The following CDH6 variants were observed in gnomAD, a reference collection of about 807,000 sequenced individuals.
CDH6 encodes cadherin 6.
CDH6 carries 31 observed loss-of-function variants against 78.0 expected under a neutral mutation model. The observed-to-expected ratio is 0.40, with a 90% confidence interval of 0.30 to 0.54. CDH6 has a LOEUF of 0.54. Ranked by LOEUF, CDH6 falls within the 20% of genes least tolerant of loss-of-function variation. CDH6 has a pLI of 0.56. For synonymous variants in CDH6, 376 were observed against 368.8 expected (o/e 1.02, Z -0.23); for missense variants, 724 against 975.9 (o/e 0.74, Z 3.44).
intron 1 of CDH6, among the ~76,000 whole-genome samples, chr5:31,253,706 T>G (rs1741975085): frequency 6.6e-6 from 1 of 152,168 alleles, no homozygotes; most frequent in South Asian, 2.1e-4. Flanking sequence ...TCAATAGCAC[T>G]GTATCATATT....
chr5:31,313,142 A>C (rs563531471), intron 7 of CDH6, among the ~76,000 whole-genome samples, 176 bp from the exon 8 acceptor site: 1 of 152,224 alleles, frequency 6.6e-6, no homozygotes, highest in Non-Finnish European at 1.5e-5. Context: ...CTAATTTCTC[A>C]AAATATTTTA....
At chr5:31,302,366 G>T (rs1182832738) in intron 6 of CDH6, 68 bp downstream of exon 6, 4 of 1,138,110 alleles carry the variant, frequency 3.5e-6, no homozygotes, top group African/African-American at 1.5e-5. Context: ...TAAGTTACCA[G>T]GGGCAATTAT....
At chr5:31,211,679 G>A (rs1218822327) in intron 1 of CDH6, among the ~76,000 whole-genome samples, 1 of 151,990 alleles carries the variant, frequency 6.6e-6, no homozygotes. Context: ...TTTCACAAAT[G>A]CATTTAGGTG....
Position 31,297,384 on chromosome 5 carries a change from T to G in CDH6, c.619T>G (p.Tyr207Asp). 1 of 1,607,978 alleles carries G rather than the reference T, an allele frequency of 6.2e-7. No homozygotes were observed. Among genetic ancestry groups the G allele is most frequent in the Non-Finnish European group, 8.5e-7 (1 of 1,176,430 alleles). Residue 207 changes from tyrosine (Y) to aspartate (D), a missense_variant, in exon 4 of 12, where the codon TAT (tyrosine) becomes GAT (aspartate). Physicochemically the swap from Tyr to Asp is radical, Grantham distance 160. Transcript: ENST00000265071. Reference sequence around the variant, plus strand: ...CTACAGTATTCTACAGGGACAGCCCTATTTTTCAGTTGAATCAGAAACAGG... The same window carrying G: ...CTACAGTATTCTACAGGGACAGCCCGATTTTTCAGTTGAATCAGAAACAGG... The part of the protein sequence containing the change: ...VVYSILQGQP[Y>D]FSVESETGII...
intron 1 of CDH6, among the ~76,000 whole-genome samples, chr5:31,247,207 C>CA (rs1223860318): frequency 5.3e-5 from 8 of 152,122 alleles, no homozygotes; most frequent in East Asian, 1.9e-4. Context: ...AAATCTTTAC[C>CA]AAAAAATGAC....
At chr5:31,302,832 GAAAGAA>G in intron 6 of CDH6, among the ~76,000 whole-genome samples, 1 of 136,892 alleles carries the variant, frequency 7.3e-6, no homozygotes, top group Non-Finnish European at 1.6e-5. Context: ...AAGAAAGAAA[GAAAGAA>G]AGAAAGAAAG....
At chr5:31,279,595 AC>A (rs1292661556) in intron 2 of CDH6, among the ~76,000 whole-genome samples, 2 of 151,926 alleles carry the variant, frequency 1.3e-5, no homozygotes, top group Admixed American at 6.6e-5. Flanking sequence ...AATAATAAAA[AC>A]TAATAAGAAA....
At chr5:31,196,290 T>A (rs1449139142) in intron 1 of CDH6, among the ~76,000 whole-genome samples, 3 of 152,176 alleles carry the variant, frequency 2.0e-5, no homozygotes, top group Non-Finnish European at 4.4e-5. Context: ...ACAGCTACAG[T>A]CACAGGGTAT....
chr5:31,261,750 G>C (rs1465650250), intron 1 of CDH6, among the ~76,000 whole-genome samples: 1 of 152,112 alleles, frequency 6.6e-6, no homozygotes, highest in Non-Finnish European at 1.5e-5. Context: ...ACAAGTCTAT[G>C]TCAAGTCTAA....
intron 2 of CDH6, among the ~76,000 whole-genome samples, chr5:31,283,310 A>T (rs1448321081): frequency 6.6e-6 from 1 of 152,214 alleles, no homozygotes; most frequent in East Asian, 1.9e-4. Context: ...GTACAGAGTA[A>T]GCTTTTAATG....
intron 11 of CDH6, among the ~76,000 whole-genome samples, chr5:31,320,562 G>A (rs1225387951): frequency 2.6e-5 from 4 of 152,076 alleles, no homozygotes; most frequent in African/African-American, 9.7e-5. Flanking sequence ...TTGCAAATCC[G>A]TGTCATTGTT....
At chr5:31,241,859 G>A (rs1265473528) in intron 1 of CDH6, among the ~76,000 whole-genome samples, 2 of 152,188 alleles carry the variant, frequency 1.3e-5, no homozygotes, top group East Asian at 1.9e-4. Context: ...AAAAGGAAAT[G>A]TGTTTTCGTG....
chr5:31,255,015 TA>T (rs1343832439), intron 1 of CDH6, among the ~76,000 whole-genome samples: 1 of 152,226 alleles, frequency 6.6e-6, no homozygotes, highest in Non-Finnish European at 1.5e-5. Flanking sequence ...CTCTTTCTAT[TA>T]AAAAATATTT....
chr5:31,314,488 A>G (rs898271770), intron 8 of CDH6, among the ~76,000 whole-genome samples: 2 of 151,886 alleles, frequency 1.3e-5, no homozygotes, highest in African/African-American at 4.8e-5. Context: ...TTCTCTGTCA[A>G]TATAACTCAT....
intron 1 of CDH6, among the ~76,000 whole-genome samples, chr5:31,231,106 T>C (rs558121445): frequency 1.5e-4 from 23 of 152,358 alleles, no homozygotes; most frequent in Non-Finnish European, 2.5e-4. Flanking sequence ...TTCACTGCCT[T>C]ATTTTCATCT....
intron 1 of CDH6, among the ~76,000 whole-genome samples, chr5:31,241,933 G>A (rs554161675): frequency 2.0e-5 from 3 of 152,260 alleles, no homozygotes; most frequent in East Asian, 3.9e-4. Context: ...CACTCTCCAT[G>A]GCAGTAATAA....
intron 1 of CDH6, among the ~76,000 whole-genome samples, chr5:31,213,854 AT>A (rs565257017): frequency 1.2e-4 from 3 of 25,470 alleles, no homozygotes; most frequent in African/African-American, 2.4e-4. Context: ...CTGACATAAC[AT>A]CCCCCCTCCT....
chr5:31,238,944 A>T (rs60431112), intron 1 of CDH6, among the ~76,000 whole-genome samples: 2,293 of 152,348 alleles, frequency 0.015, 66 homozygotes, highest in African/African-American at 0.052. Context: ...TTTAGGAAAA[A>T]GTAACACACT....
intron 1 of CDH6, among the ~76,000 whole-genome samples, chr5:31,234,533 C>T (rs921886797): frequency 4.6e-5 from 7 of 152,184 alleles, no homozygotes; most frequent in Admixed American, 2.6e-4. Flanking sequence ...GCATCCTATA[C>T]AGCTGATAGG....
Sources: allele counts gnomAD v4.1 joint callset (sites outside exome capture counted in the v4.1 genomes callset), GRCh38; gene constraint gnomAD v4.1.1; transcripts MANE v1.5; gene names NCBI Gene and HGNC (gene_info 2026-07-23, HGNC 2026-07-21).